ADGRB3: variants seen among roughly 807,000 people sequenced by gnomAD.
ADGRB3 encodes brain-specific angiogenesis inhibitor 3.
Under a neutral mutation model 193.4 loss-of-function variants are expected in ADGRB3, and 37 were observed. That is an observed-to-expected ratio of 0.19 (90% CI 0.15 to 0.25). The LOEUF (loss-of-function observed/expected upper bound fraction) is 0.25. Ranked by LOEUF, ADGRB3 falls within the 10% of genes least tolerant of loss-of-function variation. The pLI, the probability that ADGRB3 is intolerant of heterozygous loss-of-function variation, is 1.00. For synonymous variants in ADGRB3, 690 were observed against 644.2 expected, an observed-to-expected ratio of 1.07 and a Z score of -1.08; for missense variants, 1,637 against 1,852.9, an observed-to-expected ratio of 0.88 and a Z score of 2.14.
intron 17 of ADGRB3, among the ~76,000 whole-genome samples, chr6:69,078,883 A>G (rs1173895477): frequency 6.6e-6 from 1 of 152,064 alleles, no homozygotes; most frequent in African/African-American, 2.4e-5. Flanking sequence ...TGCCTACTAT[A>G]CCTGCATATA....
At chr6:68,813,246 T>C (rs1767555917) in intron 3 of ADGRB3, among the ~76,000 whole-genome samples, 2 of 152,162 alleles carry the variant, frequency 1.3e-5, no homozygotes, top group South Asian at 4.1e-4. Context: ...CCCTCTGCCA[T>C]GATTGTGAGG....
chr6:69,328,320 A>C (rs959727406), intron 22 of ADGRB3, among the ~76,000 whole-genome samples: 1 of 152,222 alleles, frequency 6.6e-6, no homozygotes, highest in South Asian at 2.1e-4. Context: ...AGGGTAATGC[A>C]TACTAAAAAT....
chr6:69,339,465 C>G lies in ADGRB3; in HGVS notation c.3420C>G (p.Gly1140=). The change falls in exon 26 of 32, where the codon GGC becomes GGG. Residue 1140 remains glycine, a synonymous_variant. Coordinates refer to ENST00000370598, the MANE Select transcript of ADGRB3 (RefSeq NM_001704.3). ...TTGCTGTGTTTGATTCATTGCAAGG[C>G]TTTGTTATAGTCATGGTCCACTGCA... The part of the protein sequence containing the change: ...ILFAVFDSLQ[G]FVIVMVHCIL... 6.2e-7 allele frequency: 1 copy of G among 1,613,918 alleles called. No individual in the cohort carries two copies. Among genetic ancestry groups the G allele is most frequent in the South Asian group, 1.1e-5 (1 of 91,078 alleles).
chr6:69,216,401 A>G (rs570276225), intron 17 of ADGRB3, among the ~76,000 whole-genome samples: 1 of 152,310 alleles, frequency 6.6e-6, no homozygotes, highest in African/African-American at 2.4e-5. Flanking sequence ...ACACCTTGTT[A>G]AGGGAAAAGT....
intron 3 of ADGRB3, among the ~76,000 whole-genome samples, chr6:68,818,384 C>G (rs1003330098): frequency 6.6e-6 from 1 of 152,110 alleles, no homozygotes. Context: ...GCCTGGCACA[C>G]AGCAGATCCT....
chr6:69,298,996 A>G (rs1242750661), intron 20 of ADGRB3, among the ~76,000 whole-genome samples: 3 of 151,896 alleles, frequency 2.0e-5, no homozygotes, highest in Admixed American at 2.0e-4. Flanking sequence ...TACACTCCCA[A>G]TAACACTTTA....
At chr6:69,267,361 A>G in intron 20 of ADGRB3, among the ~76,000 whole-genome samples, 1 of 152,106 alleles carries the variant, frequency 6.6e-6, no homozygotes, top group Non-Finnish European at 1.5e-5. Flanking sequence ...CATTTGAATT[A>G]CAAGACAGAT....
At chr6:68,984,945 A>T (rs868366324) in intron 10 of ADGRB3, among the ~76,000 whole-genome samples, 1 of 151,900 alleles carries the variant, frequency 6.6e-6, no homozygotes, top group South Asian at 2.1e-4. Context: ...ATTAGCTAAG[A>T]GTGAGGATTT....
At chr6:69,183,870 G>A (rs1231644544) in intron 17 of ADGRB3, among the ~76,000 whole-genome samples, 5 of 151,904 alleles carry the variant, frequency 3.3e-5, no homozygotes, top group East Asian at 1.9e-4. Context: ...CTGTGTTTCC[G>A]GGACATGGAC....
intron 17 of ADGRB3, among the ~76,000 whole-genome samples, chr6:69,132,860 A>C (rs1774048884): frequency 6.6e-6 from 1 of 151,996 alleles, no homozygotes; most frequent in Admixed American, 6.6e-5. Context: ...CCAGTTTTCT[A>C]GACACCATTT....
intron 17 of ADGRB3, among the ~76,000 whole-genome samples, chr6:69,209,190 A>G (rs938757491): frequency 6.6e-5 from 10 of 152,304 alleles, no homozygotes; most frequent in South Asian, 4.1e-4. Context: ...ACCTTCTCCT[A>G]TTCTGGACCT....
intron 3 of ADGRB3, among the ~76,000 whole-genome samples, chr6:68,922,815 C>T (rs544997823): frequency 4.0e-4 from 61 of 152,202 alleles, no homozygotes; most frequent in Admixed American, 1.2e-3. Context: ...TCTTAACTAT[C>T]TTTAGTATGT....
At chr6:68,712,606 C>A (rs1001194996) in intron 3 of ADGRB3, among the ~76,000 whole-genome samples, 1 of 151,474 alleles carries the variant, frequency 6.6e-6, no homozygotes, top group African/African-American at 2.4e-5. Flanking sequence ...GGAGGAAGGA[C>A]TAATAAATGG....
intron 20 of ADGRB3, among the ~76,000 whole-genome samples, chr6:69,252,080 G>A (rs1766636317): frequency 6.6e-6 from 1 of 152,040 alleles, no homozygotes; most frequent in Non-Finnish European, 1.5e-5. Flanking sequence ...CCCCTCATAG[G>A]CAAGCGTTGT....
At chr6:68,805,179 C>T (rs944413668) in intron 3 of ADGRB3, among the ~76,000 whole-genome samples, 5 of 152,080 alleles carry the variant, frequency 3.3e-5, no homozygotes, top group African/African-American at 7.2e-5. Flanking sequence ...TAAAGTGATC[C>T]GACTGTCTGC....
chr6:69,189,427 T>C (rs1450258651), intron 17 of ADGRB3, among the ~76,000 whole-genome samples: 2 of 152,232 alleles, frequency 1.3e-5, no homozygotes. Context: ...GAATCAGTGA[T>C]GAAAGATTTC....
Position 68,639,316 on chromosome 6 carries a change from T to C in ADGRB3, c.641T>C (p.Leu214Ser), listed in dbSNP as rs1273824934. 1.2e-6 allele frequency: 2 copies of C among 1,614,028 alleles called. No individual in the cohort carries two copies. Among genetic ancestry groups the C allele is most frequent in the African/African-American group, 2.7e-5 (2 of 74,904 alleles). The change falls in exon 3 of 32, where the codon TTG (leucine) becomes TCG (serine). Residue 214 changes from leucine to serine, a missense_variant. This residue lies in a region of ADGRB3 where 365 missense variants were observed against 409.8 expected (regional missense o/e 0.89). Coordinates refer to ENST00000370598, the MANE Select transcript of ADGRB3 (RefSeq NM_001704.3). ...GGGATCGACGACCAGTCGCTGATTT[T>C]GTTAAATAACGTGGTGTTACCCCTG... ...EWGIDDQSLI[L>S]LNNVVLPLNE... is the part of the protein sequence containing the mutation.
intron 6 of ADGRB3, among the ~76,000 whole-genome samples, chr6:68,947,639 C>T (rs1767807762): frequency 6.6e-6 from 1 of 151,916 alleles, no homozygotes; most frequent in African/African-American, 2.4e-5. Flanking sequence ...AGATTTTTAC[C>T]TTTTAATATA....
At chr6:69,028,231 T>C (rs1770496020) in intron 13 of ADGRB3, among the ~76,000 whole-genome samples, 1 of 152,216 alleles carries the variant, frequency 6.6e-6, no homozygotes, top group East Asian at 1.9e-4. Flanking sequence ...GTGTGACTTT[T>C]TTAATTGGAA....
Sources: gnomAD v4.1 joint callset for allele counts (sites outside exome capture counted in the v4.1 genomes callset) on GRCh38, gnomAD v4.1.1 for gene constraint, gnomAD v4.1.1 regional missense constraint, MANE v1.5 for transcripts, NCBI Gene and HGNC (gene_info 2026-07-23, HGNC 2026-07-21) for gene names.